FABP7: variants seen among roughly 807,000 people sequenced by gnomAD.
The protein encoded by FABP7 is fatty acid binding protein 7, also known as fatty acid-binding protein, brain.
Under a neutral mutation model 14.2 loss-of-function variants are expected in FABP7, and 13 were observed. The ratio of observed to expected loss-of-function variants is 0.91; its 90% CI spans 0.59 to 1.45. The LOEUF is 1.45. FABP7 is among the 40% of genes most tolerant of loss of function. The pLI, the probability that FABP7 is intolerant of heterozygous loss-of-function variation, is 0.00. For synonymous variants in FABP7, 49 were observed against 51.4 expected (o/e 0.95, Z 0.20); for missense variants, 149 against 157.6 (o/e 0.95, Z 0.29).
At chr6:122,762,493 G>C in the FABP7 span, among the ~76,000 whole-genome samples, 4 of 152,124 alleles carry the variant, frequency 2.6e-5, no homozygotes, top group African/African-American at 9.7e-5. Flanking sequence ...GACAGGGATG[G>C]CCTCTCTCAC....
the FABP7 span, among the ~76,000 whole-genome samples, chr6:122,761,140 C>A: frequency 6.6e-6 from 1 of 152,026 alleles, no homozygotes; most frequent in Non-Finnish European, 1.5e-5. Flanking sequence ...GAACTTGAAT[C>A]GTGAGAGCAT....
In FABP7 at chr6:122,782,068, T is replaced by C. The variant is rs1398383079; in HGVS notation, c.348+874T>C. 4.1e-6 allele frequency: 4 copies of C among 985,426 alleles called. No homozygotes were observed. In the South Asian group the frequency reaches 1.4e-4, roughly 35 times the overall value. The allele number at this position is 985,426 out of a possible 1,614,324, so 61.0% of individuals were successfully genotyped here. ...CTCCCAGCCCCCAAAGAGAACCATT[T>C]TGATGTTACTTCTTTCCAGTTTTTT... is the stretch of plus-strand genomic sequence containing the variant. On this transcript the variant is annotated intron_variant, in intron 3 of 3. Transcript: ENST00000368444.
At chr6:122,761,860 G>A in the FABP7 span, among the ~76,000 whole-genome samples, 8 of 151,962 alleles carry the variant, frequency 5.3e-5, no homozygotes, top group African/African-American at 1.9e-4. Flanking sequence ...TGTTTTTCAA[G>A]TTTTGAAAAG....
the FABP7 span, among the ~76,000 whole-genome samples, chr6:122,772,651 T>A: frequency 6.6e-6 from 1 of 152,130 alleles, no homozygotes; most frequent in African/African-American, 2.4e-5. Context: ...ACTCCTGAGC[T>A]CAACTGATCT....
chr6:122,769,466 A>G, the FABP7 span, among the ~76,000 whole-genome samples: 1 of 152,234 alleles, frequency 6.6e-6, no homozygotes, highest in Non-Finnish European at 1.5e-5. Flanking sequence ...ATTTATTATT[A>G]TATGTTTACG....
the FABP7 span, among the ~76,000 whole-genome samples, chr6:122,765,913 C>A: frequency 6.6e-6 from 1 of 151,990 alleles, no homozygotes; most frequent in East Asian, 1.9e-4. Flanking sequence ...GTGGCCTCTA[C>A]TACTTTATTG....
At chr6:122,773,769 T>G in the FABP7 span, among the ~76,000 whole-genome samples, 1 of 152,204 alleles carries the variant, frequency 6.6e-6, no homozygotes, top group Non-Finnish European at 1.5e-5. Context: ...ACACCTTCTA[T>G]TTTGTTAAAA....
Position 122,781,184 on chromosome 6 carries a change from A to C in FABP7, c.338A>C (p.Lys113Thr). Residue 113 changes from lysine (K) to threonine (T), a missense_variant, in exon 3 of 4, where the codon AAA becomes ACA. Physicochemically the swap from Lys to Thr is moderately conservative, Grantham distance 78. Transcript: ENST00000368444. Reference sequence around the variant, plus strand: ...TTTGTAAGAGAAATTAAGGATGGCAAAATGGTTATGGTAAGTAATGACAAT... The same window carrying C: ...TTTGTAAGAGAAATTAAGGATGGCACAATGGTTATGGTAAGTAATGACAAT... ...TNFVREIKDGKMVMTLTFGDV... is the reference protein window; with the variant it reads ...TNFVREIKDGTMVMTLTFGDV... The C allele has an allele frequency of 6.2e-7, 1 of 1,614,034 alleles. No homozygotes were observed. Among genetic ancestry groups the C allele is most frequent in the East Asian group, 2.2e-5 (1 of 44,848 alleles).
chr6:122,754,619 CTTT>C, the FABP7 span, among the ~76,000 whole-genome samples: 2 of 133,936 alleles, frequency 1.5e-5, no homozygotes, highest in Non-Finnish European at 3.2e-5. Flanking sequence ...CCCCCACCCA[CTTT>C]TCAGTGGTAA....
chr6:122,774,160 G>A, the FABP7 span, among the ~76,000 whole-genome samples: 398 of 152,008 alleles, frequency 2.6e-3, 3 homozygotes, highest in African/African-American at 9.0e-3. Flanking sequence ...TCAGGGGTTC[G>A]AGACCAGCCT....
At chr6:122,770,525 T>A in the FABP7 span, among the ~76,000 whole-genome samples, 1 of 152,134 alleles carries the variant, frequency 6.6e-6, no homozygotes, top group Non-Finnish European at 1.5e-5. Context: ...CTAAATTTAC[T>A]AATATGATTC....
the FABP7 span, among the ~76,000 whole-genome samples, chr6:122,770,537 G>C: frequency 1.3e-5 from 2 of 152,060 alleles, no homozygotes; most frequent in African/African-American, 2.4e-5. Flanking sequence ...ATATGATTCT[G>C]ACAGACTGGA....
Position 122,782,752 on chromosome 6 carries a change from A to C in FABP7, c.349-965A>C, listed in dbSNP as rs551340470. ...GTTTCCTTCTCCCCTTGACTACTGCAATCAGCACTGTTCTGCATTGAGATA... is the reference window on the plus strand; with the variant it reads ...GTTTCCTTCTCCCCTTGACTACTGCCATCAGCACTGTTCTGCATTGAGATA... On this transcript the variant is annotated intron_variant, in intron 3 of 3. Transcript: ENST00000368444. The C allele has an allele frequency of 6.1e-6, 6 of 985,426 alleles. No homozygotes were observed. The East Asian group carries it at 5.7e-4, about 93-fold the overall frequency. 61.0% of individuals were successfully genotyped at this position (985,426 alleles called of 1,614,324 possible).
At chr6:122,759,953 T>C in the FABP7 span, among the ~76,000 whole-genome samples, 1 of 152,058 alleles carries the variant, frequency 6.6e-6, no homozygotes, top group Non-Finnish European at 1.5e-5. Flanking sequence ...ACCCCATCTC[T>C]ACTAAAAATA....
intron 3 of FABP7, 165 bp from the exon 4 acceptor site, chr6:122,783,552 A>G: frequency 1.0e-6 from 1 of 985,228 alleles, no homozygotes; most frequent in Non-Finnish European, 1.2e-6. Context: ...TAAACTGTAT[A>G]TCAATATAGG....
chr6:122,767,837 A>AGGT, the FABP7 span, among the ~76,000 whole-genome samples: 7 of 151,990 alleles, frequency 4.6e-5, no homozygotes. Flanking sequence ...GACCTTGGGT[A>AGGT]GGTGGTTTCC....
chr6:122,753,969 C>A, the FABP7 span, among the ~76,000 whole-genome samples: 1 of 152,110 alleles, frequency 6.6e-6, no homozygotes, highest in Non-Finnish European at 1.5e-5. Context: ...AGTCTTCCAT[C>A]TGCCACGCAG....
chr6:122,759,003 C>T, the FABP7 span, among the ~76,000 whole-genome samples: 3 of 152,134 alleles, frequency 2.0e-5, no homozygotes, highest in Admixed American at 6.5e-5. Flanking sequence ...CTTAAAGAAA[C>T]AAGCTCCCTT....
the FABP7 span, among the ~76,000 whole-genome samples, chr6:122,760,212 G>A: frequency 6.6e-6 from 1 of 152,138 alleles, no homozygotes; most frequent in Non-Finnish European, 1.5e-5. Flanking sequence ...AGTCGAGATG[G>A]AGAACATTTC....
Sources: gnomAD v4.1 joint callset for allele counts (sites outside exome capture counted in the v4.1 genomes callset) on GRCh38, gnomAD v4.1.1 for gene constraint, MANE v1.5 for transcripts, NCBI Gene and HGNC (gene_info 2026-07-23, HGNC 2026-07-21) for gene names.